Variants in EML6 observed in about 807,000 individuals in gnomAD.
EML6 encodes the protein EMAP like 6.
A neutral mutation model predicts 240.1 loss-of-function variants in EML6; 154 were observed. The observed-to-expected ratio is 0.64, with a 90% confidence interval of 0.56 to 0.73. The LOEUF is 0.73. Among genes scored for constraint, EML6 ranks in the 30% least tolerant of loss-of-function variants. The probability of loss-of-function intolerance (pLI) is 0.00; values close to 1 mark genes in which losing one functional copy is unlikely to be tolerated. For synonymous variants in EML6, 1,148 were observed against 899.0 expected, an observed-to-expected ratio of 1.28 and a Z score of -4.95; for missense variants, 2,964 against 2,474.6, an observed-to-expected ratio of 1.20 and a Z score of -4.20.
intron 24 of EML6, among the ~76,000 whole-genome samples, chr2:54,908,784 G>C (rs1202063141): frequency 3.9e-5 from 6 of 152,134 alleles, no homozygotes; most frequent in Non-Finnish European, 7.3e-5. Flanking sequence ...AACTGATTCA[G>C]CCTCTCAGAT....
intron 32 of EML6, among the ~76,000 whole-genome samples, chr2:54,956,276 TCTTTCCTTTGTTTGC>T (rs1676229797): frequency 7.6e-4 from 2 of 2,648 alleles, no homozygotes; most frequent in Non-Finnish European, 1.5e-3. Context: ...AGCTGGAATC[TCTTTCCTTTGTTTGC>T]ACTTCTCCCA....
At chr2:54,848,672 T>C (rs1669906444) in intron 9 of EML6, among the ~76,000 whole-genome samples, 1 of 152,204 alleles carries the variant, frequency 6.6e-6, no homozygotes, top group African/African-American at 2.4e-5. Flanking sequence ...GTATTCAGTT[T>C]ATTTGGAGTT....
intron 17 of EML6, chr2:54,882,442 T>G (rs916385767): frequency 6.6e-6 from 1 of 152,116 alleles, no homozygotes; most frequent in African/African-American, 2.4e-5. Flanking sequence ...TGCTCCTTTA[T>G]TTGTGCTTGT....
intron 34 of EML6, among the ~76,000 whole-genome samples, chr2:54,959,467 G>C (rs1291136954): frequency 6.6e-6 from 1 of 152,100 alleles, no homozygotes; most frequent in Non-Finnish European, 1.5e-5. Context: ...TTTGATGATA[G>C]TTTAAAAACC....
chr2:54,964,005 G>C lies in EML6; in HGVS notation c.5177G>C (p.Ser1726Thr), dbSNP rs566090691. Residue 1726 changes from serine (S) to threonine (T), a missense_variant, in exon 37 of 42, where the codon AGC becomes ACC. By Grantham distance (58) the Ser-to-Thr change is moderately conservative. Coordinates refer to ENST00000356458, the MANE Select transcript of EML6 (RefSeq NM_001039753.4). ...LADKKLLNKV[S>T]LGHAARCAAY... ...ATGTAGAAGCTGTTAAACAAGGTGA[G>C]CTTGGGCCATGCGGCCAGGTGTGCA... 270 of 1,551,384 alleles carry C rather than the reference G, an allele frequency of 1.7e-4. 2 individuals carry two copies. The East Asian group carries it at 2.7e-3, about 15-fold the overall frequency.
Position 54,971,221 on chromosome 2 carries a change from A to G in EML6, c.*1126A>G, listed in dbSNP as rs2104571479. The G allele has an allele frequency of 6.6e-6, 1 of 152,378 alleles. No homozygotes were observed. Among genetic ancestry groups the G allele is most frequent in the South Asian group, 2.1e-4 (1 of 4,834 alleles). 9.4% of individuals were successfully genotyped at this position (152,378 alleles called of 1,614,324 possible). On this transcript the variant is annotated 3_prime_UTR_variant, in exon 42 of 42. Transcript: ENST00000356458. Reference sequence around the variant, plus strand: ...CCCAAGGAATAGCTGGTAAATCAAAATTATAAAGTGAGTTAGAGTTCCTTG... The same window carrying G: ...CCCAAGGAATAGCTGGTAAATCAAAGTTATAAAGTGAGTTAGAGTTCCTTG...
intron 2 of EML6, among the ~76,000 whole-genome samples, chr2:54,796,931 G>A (rs1669815512): frequency 6.6e-6 from 1 of 151,900 alleles, no homozygotes; most frequent in South Asian, 2.1e-4. Flanking sequence ...TTGAGAGGCC[G>A]AGGTGGGCAA....
At chr2:54,835,272 G>C (rs1221082301) in intron 7 of EML6, among the ~76,000 whole-genome samples, 3 of 152,148 alleles carry the variant, frequency 2.0e-5, no homozygotes, top group Non-Finnish European at 4.4e-5. Flanking sequence ...GCTATTGTCT[G>C]TTTCCACAAA....
intron 11 of EML6, among the ~76,000 whole-genome samples, chr2:54,855,836 A>AG (rs973720258): frequency 7.9e-5 from 12 of 152,242 alleles, no homozygotes; most frequent in African/African-American, 2.9e-4. Flanking sequence ...TGAATAAAAG[A>AG]GTGGGAATTG....
intron 2 of EML6, among the ~76,000 whole-genome samples, chr2:54,780,095 C>T (rs773546958): frequency 2.0e-5 from 3 of 152,038 alleles, no homozygotes; most frequent in Non-Finnish European, 4.4e-5. Context: ...ATTCTTCAAA[C>T]ATTTATCTGT....
intron 17 of EML6, among the ~76,000 whole-genome samples, chr2:54,888,802 A>G (rs747468807): frequency 7.2e-5 from 11 of 152,184 alleles, no homozygotes; most frequent in Non-Finnish European, 1.6e-4. Flanking sequence ...CATTTTGACA[A>G]TTATGAAGCT....
chr2:54,959,395 C>T (rs1676391098), intron 34 of EML6, 134 bp downstream of exon 34: 5 of 841,882 alleles, frequency 5.9e-6, no homozygotes, highest in Non-Finnish European at 3.6e-6. Context: ...GATCAGTCTG[C>T]TCTCTCTCCA....
At position 54,724,791 on chromosome 2, in the gene EML6, G is replaced by C. The variant is rs1369781943; in HGVS notation, c.-271G>C. The C allele has an allele frequency of 6.5e-6, 1 of 154,816 alleles. No homozygotes were observed. The highest frequency in any genetic ancestry group is 1.4e-5 in the Non-Finnish European group (1 of 70,072). 9.6% of individuals were successfully genotyped at this position (154,816 alleles called of 1,614,324 possible). A position where few individuals can be genotyped will look rare whatever the true frequency, so the allele number is the denominator to read the frequency against. Reference sequence around the variant, plus strand: ...GCAGGTGCAGTGAGGCGCGCGCGCCGGTGCCGGCGCCCCCAGAGCCGCCTT... The same window carrying C: ...GCAGGTGCAGTGAGGCGCGCGCGCCCGTGCCGGCGCCCCCAGAGCCGCCTT... On this transcript the variant is annotated 5_prime_UTR_variant, in exon 2 of 42. Transcript: ENST00000356458. The surrounding 1 kb of genome is among the most constrained non-coding windows in gnomAD (Gnocchi z 5.2).
chr2:54,894,022 A>G (rs1325187431), intron 19 of EML6, among the ~76,000 whole-genome samples: 1 of 152,188 alleles, frequency 6.6e-6, no homozygotes, highest in African/African-American at 2.4e-5. Flanking sequence ...AGGATATCAC[A>G]ATATAATATA....
At chr2:54,927,297 C>G (rs1217961155) in intron 26 of EML6, among the ~76,000 whole-genome samples, 1 of 152,182 alleles carries the variant, frequency 6.6e-6, no homozygotes, top group Non-Finnish European at 1.5e-5. Flanking sequence ...GTCACGAACC[C>G]TCCTGCACCT....
chr2:54,928,542 C>A lies in EML6; in HGVS notation c.3877+28C>A, dbSNP rs1480810997. 6 of 1,547,740 alleles carry A rather than the reference C, an allele frequency of 3.9e-6. No homozygotes were observed. The African/African-American group carries it at 6.9e-5, about 18-fold the overall frequency. ...GAGCCCCCCACCTGCCACATGCCTC[C>A]TGCGCCGAATGCACCTCCCAACACC... On this transcript the variant is annotated intron_variant, in intron 27 of 41. Transcript: ENST00000356458.
At chr2:54,782,546 T>C (rs1458750104) in intron 2 of EML6, among the ~76,000 whole-genome samples, 1 of 152,202 alleles carries the variant, frequency 6.6e-6, no homozygotes, top group Admixed American at 6.5e-5. Flanking sequence ...AACTAAGACA[T>C]AAACACTGAT....
chr2:54,793,529 A>G (rs527369219), intron 2 of EML6, among the ~76,000 whole-genome samples: 6 of 152,084 alleles, frequency 3.9e-5, no homozygotes, highest in Non-Finnish European at 8.8e-5. Context: ...TATGAACACT[A>G]AATCCTGTCG....
rs72808631 is a variant in EML6, at chr2:54,852,191, A to G, written c.1445-1452A>G. The stretch of plus-strand genomic sequence containing the variant: ...GAAATGTGCCCATTGGGATTTTTTA[A>G]ATGCTATTTTTGTGACCCCACCATA... On this transcript the variant is annotated intron_variant, in intron 10 of 41. Transcript: ENST00000356458. Among the ~76,000 whole-genome samples, 439 of 152,248 alleles carry G rather than the reference A, an allele frequency of 2.9e-3. 1 individual carries two copies. The highest frequency in any genetic ancestry group is 6.8e-3 in the Middle Eastern group (2 of 294).
Sources: gnomAD v4.1 joint callset for allele counts (sites outside exome capture counted in the v4.1 genomes callset) on GRCh38, gnomAD v4.1.1 for gene constraint, Gnocchi (gnomAD v3.1) non-coding constraint, MANE v1.5 for transcripts, NCBI Gene and HGNC (gene_info 2026-07-23, HGNC 2026-07-21) for gene names.